The following ZNF236 variants were observed in gnomAD, a reference collection of about 807,000 sequenced individuals.
ZNF236 encodes zinc finger protein 236.
Under a neutral mutation model 191.2 loss-of-function variants are expected in ZNF236, and 50 were observed. The ratio of observed to expected loss-of-function variants is 0.26; its 90% CI spans 0.21 to 0.33. The LOEUF (loss-of-function observed/expected upper bound fraction) is 0.33, where lower values mean the gene tolerates loss of function less well. ZNF236 is among the 10% of genes least tolerant of loss of function. The pLI is 1.00. For missense variants in ZNF236, 1,754 were observed against 2,374.5 expected (o/e 0.74, Z 5.43); for synonymous variants, 907 against 928.8 (o/e 0.98, Z 0.43).
chr18:76,851,564 A>G (rs1206234888), intron 2 of ZNF236, among the ~76,000 whole-genome samples: 1 of 152,222 alleles, frequency 6.6e-6, no homozygotes, highest in Non-Finnish European at 1.5e-5. Flanking sequence ...TTGTGTATGT[A>G]TGTGTTTTCA....
At chr18:76,920,293 G>A (rs1265431090) in intron 20 of ZNF236, among the ~76,000 whole-genome samples, 2 of 152,170 alleles carry the variant, frequency 1.3e-5, no homozygotes, top group African/African-American at 2.4e-5. Flanking sequence ...GCTCACACCT[G>A]TAATCCCAGC....
chr18:76,828,122 C>G (rs4890826), intron 1 of ZNF236, among the ~76,000 whole-genome samples: 106,808 of 151,738 alleles, frequency 0.7, 38,339 homozygotes, highest in African/African-American at 0.84. Flanking sequence ...ATTCAAGAGC[C>G]CAAGGGGAGG....
intron 1 of ZNF236, among the ~76,000 whole-genome samples, chr18:76,839,900 T>C (rs908584617): frequency 1.3e-5 from 2 of 152,178 alleles, no homozygotes; most frequent in African/African-American, 4.8e-5. Context: ...AGAAAATTAG[T>C]TTTTTGCACT....
At chr18:76,955,633 G>A (rs1968504717) in intron 27 of ZNF236, among the ~76,000 whole-genome samples, 1 of 152,168 alleles carries the variant, frequency 6.6e-6, no homozygotes, top group Non-Finnish European at 1.5e-5. Context: ...GCAGCCCTTG[G>A]TAGGCAGGTG....
rs1276888552 is a variant in ZNF236, at chr18:76,960,890, G to A, written c.5419+35G>A. 67 of 1,576,670 alleles carry A rather than the reference G, an allele frequency of 4.2e-5. No homozygotes were observed. The highest frequency in any genetic ancestry group is 8.1e-5 in the African/African-American group (6 of 73,642). ...CTGCACCCGGGAGTGCGTGCTGTTC[G>A]GTGGCCTGCGAGGCACCCTGTGTTT... On this transcript the variant is annotated intron_variant, in intron 30 of 30. Coordinates refer to ENST00000320610, the MANE Select transcript of ZNF236 (RefSeq NM_001306089.2). The surrounding 1 kb of genome is among the most constrained non-coding windows in gnomAD (Gnocchi z 4.4).
At chr18:76,893,759 C>T (rs604384) in intron 9 of ZNF236, among the ~76,000 whole-genome samples, 50,451 of 152,166 alleles carry the variant, frequency 0.33, 8,847 homozygotes, top group East Asian at 0.52. Context: ...GCTATCTGTC[C>T]GCCTTGGCCT....
chr18:76,934,002 C>G (rs79986427), intron 25 of ZNF236, among the ~76,000 whole-genome samples: 162 of 152,252 alleles, frequency 1.1e-3, no homozygotes, highest in African/African-American at 3.8e-3. Context: ...CATGACTCTT[C>G]TAAGGTAAAC....
Position 76,910,709 on chromosome 18 carries a change from C to A in ZNF236, c.2703C>A (p.Val901=), listed in dbSNP as rs1240465980. ...ATCAGCAGCCTCAGTTTCCACCTGT[C>A]CAACAGCTACAGGATTCCAGCACAC... is the stretch of plus-strand genomic sequence containing the variant. ...TYHQQPQFPP[V]QQLQDSSTLE... Residue 901 remains valine, a synonymous_variant, in exon 16 of 31, where the codon GTC becomes GTA. Coordinates refer to ENST00000320610, the MANE Select transcript of ZNF236 (RefSeq NM_001306089.2). The A allele has an allele frequency of 6.2e-7, 1 of 1,614,156 alleles. No homozygotes were observed. Among genetic ancestry groups the A allele is most frequent in the South Asian group, 1.1e-5 (1 of 91,082 alleles).
chr18:76,890,550 G>T (rs1376626454), intron 9 of ZNF236, among the ~76,000 whole-genome samples: 1 of 152,188 alleles, frequency 6.6e-6, no homozygotes. Flanking sequence ...CCTTCTAGGA[G>T]CAATTATTGG....
At position 76,927,654 on chromosome 18, in the gene ZNF236, T is replaced by G; in HGVS notation, c.4414+137T>G. 3.3e-6 allele frequency: 4 copies of G among 1,207,164 alleles called. No individual in the cohort carries two copies. Among genetic ancestry groups the G allele is most frequent in the Non-Finnish European group, 3.4e-6 (3 of 889,928 alleles). The allele number at this position is 1,207,164 out of a possible 1,614,324, so 74.8% of individuals were successfully genotyped here. A position where few individuals can be genotyped will look rare whatever the true frequency, so the allele number is the denominator to read the frequency against. ...GAGAATAAATCAAATGTCCTGAGAA[T>G]AAAATAAGCTTTTCTTACAATTAAT... On this transcript the variant is annotated intron_variant, in intron 24 of 30. Transcript: ENST00000320610. This position sits in a 1 kb window ranked among gnomAD's most constrained non-coding sequence, Gnocchi z 5.4.
chr18:76,926,084 T>C (rs536514088), intron 22 of ZNF236, among the ~76,000 whole-genome samples: 2 of 152,304 alleles, frequency 1.3e-5, no homozygotes, highest in South Asian at 4.1e-4. Context: ...CACCACTCAG[T>C]AGTAGTGGTT....
intron 19 of ZNF236, among the ~76,000 whole-genome samples, chr18:76,918,139 A>G (rs76383831): frequency 0.013 from 1,972 of 151,158 alleles, 21 homozygotes; most frequent in Non-Finnish European, 0.023. Flanking sequence ...TACAATAATG[A>G]CCTCCCTGCT....
chr18:76,904,357 TCTG>T lies in ZNF236; in HGVS notation c.1895-20_1895-18del. ...TTACTAGCATTGACAGTGAATTACA[TCTG>T]CTTTTCTTTTGCTTTGTAGGTCTCA... On this transcript the variant is annotated intron_variant, in intron 11 of 30. Coordinates refer to ENST00000320610, the MANE Select transcript of ZNF236 (RefSeq NM_001306089.2). 1 of 1,582,690 alleles carries T rather than the reference TCTG, an allele frequency of 6.3e-7. No homozygotes were observed. Among genetic ancestry groups the T allele is most frequent in the Middle Eastern group, 1.7e-4 (1 of 5,936 alleles).
chr18:76,823,738 C>T (rs924843314), intron 1 of ZNF236, among the ~76,000 whole-genome samples: 1 of 152,256 alleles, frequency 6.6e-6, no homozygotes. Flanking sequence ...TCCAAAGCCC[C>T]AGCCCGGAGC....
At chr18:76,967,408 G>C in intron 30 of ZNF236, among the ~76,000 whole-genome samples, 1 of 151,452 alleles carries the variant, frequency 6.6e-6, no homozygotes, top group Admixed American at 6.6e-5. Flanking sequence ...TGTTGGAGGT[G>C]GTGTGATCTG....
intron 27 of ZNF236, among the ~76,000 whole-genome samples, chr18:76,953,319 A>G (rs940177097): frequency 2.6e-5 from 4 of 152,206 alleles, no homozygotes; most frequent in South Asian, 2.1e-4. Context: ...TTAAGGGGCC[A>G]TGGCCTTCTT....
chr18:76,844,517 TAAAAACA>T (rs1975619542), intron 1 of ZNF236, among the ~76,000 whole-genome samples: 2 of 152,272 alleles, frequency 1.3e-5, no homozygotes, highest in South Asian at 4.1e-4. Context: ...ATTCAAAATG[TAAAAACA>T]AAAACATAAA....
rs1020887633 is a variant in ZNF236, at chr18:76,905,313, G to A, written c.2195G>A (p.Arg732Gln). Reference sequence around the variant, plus strand: ...TTCACTACTGGTGGCAGCTTACGGCGACACATGGGTATCCACAACGACCTT... The same window carrying A: ...TTCACTACTGGTGGCAGCTTACGGCAACACATGGGTATCCACAACGACCTT... ...GAFTTGGSLR[R>Q]HMGIHNDLRP... The change falls in exon 13 of 31, where the codon CGA (arginine) becomes CAA (glutamine). Residue 732 changes from arginine to glutamine, a missense_variant. This residue lies in a region of ZNF236 where 641 missense variants were observed against 869.6 expected (regional missense o/e 0.74). Transcript: ENST00000320610. 1.9e-6 allele frequency: 3 copies of A among 1,614,096 alleles called. No individual in the cohort carries two copies. Among genetic ancestry groups the A allele is most frequent in the Non-Finnish European group, 2.5e-6 (3 of 1,180,010 alleles).
intron 14 of ZNF236, among the ~76,000 whole-genome samples, chr18:76,909,582 C>G (rs546558458): frequency 2.6e-5 from 4 of 152,278 alleles, no homozygotes; most frequent in African/African-American, 9.6e-5. Flanking sequence ...GGCTACAAAA[C>G]ACAATGTCAG....
Sources: allele counts gnomAD v4.1 joint callset (sites outside exome capture counted in the v4.1 genomes callset), GRCh38; gene constraint gnomAD v4.1.1; regional missense constraint gnomAD v4.1.1; non-coding constraint Gnocchi (gnomAD v3.1); transcripts MANE v1.5; gene names NCBI Gene and HGNC (gene_info 2026-07-23, HGNC 2026-07-21).